BTRC: variants seen among roughly 807,000 people sequenced by gnomAD.
BTRC encodes F-box/WD repeat-containing protein 1A.
BTRC carries 42 observed loss-of-function variants against 85.5 expected under a neutral mutation model. The ratio of observed to expected loss-of-function variants is 0.49; its 90% CI spans 0.38 to 0.64. The LOEUF (loss-of-function observed/expected upper bound fraction) is 0.64. Ranked by LOEUF, BTRC falls within the 30% of genes least tolerant of loss-of-function variation. The pLI is 0.00. For synonymous variants in BTRC, 255 were observed against 263.3 expected (o/e 0.97, Z 0.30); for missense variants, 594 against 743.5 (o/e 0.80, Z 2.34).
intron 9 of BTRC, among the ~76,000 whole-genome samples, chr10:101,534,175 G>A (rs2062347068): frequency 6.6e-6 from 1 of 152,006 alleles, no homozygotes; most frequent in South Asian, 2.1e-4. Flanking sequence ...CAGAAATGGG[G>A]GCTTAGAATT....
At chr10:101,512,547 A>G (rs1278543905) in intron 4 of BTRC, among the ~76,000 whole-genome samples, 1 of 152,198 alleles carries the variant, frequency 6.6e-6, no homozygotes, top group East Asian at 1.9e-4. Context: ...TCCACTATGT[A>G]TTTCCCAACC....
chr10:101,378,520 A>ATT (rs368968037), intron 1 of BTRC, among the ~76,000 whole-genome samples: 55 of 97,046 alleles, frequency 5.7e-4, no homozygotes, highest in East Asian at 1.8e-3. Context: ...CCCAATTATA[A>ATT]TTTTTTTTTT....
chr10:101,354,322 G>C (rs1941966566), intron 1 of BTRC, 94 bp downstream of exon 1: 3 of 1,400,098 alleles, frequency 2.1e-6, no homozygotes, highest in Non-Finnish European at 2.9e-6. Flanking sequence ...ACCGGGCAGC[G>C]GGACCCTGGG....
At chr10:101,389,119 G>GTGTTTTT (rs1943166078) in intron 1 of BTRC, among the ~76,000 whole-genome samples, 10 of 41,550 alleles carry the variant, frequency 2.4e-4, no homozygotes, top group Non-Finnish European at 3.6e-4. Context: ...TTTTGTGTGT[G>GTGTTTTT]TTTTTTTTTT....
chr10:101,497,756 T>G (rs1946299668), intron 4 of BTRC, among the ~76,000 whole-genome samples: 1 of 151,968 alleles, frequency 6.6e-6, no homozygotes, highest in South Asian at 2.1e-4. Flanking sequence ...GCGTGATGAC[T>G]CATGCCTGTA....
At chr10:101,536,004 A>T (rs1186929744) in intron 11 of BTRC, among the ~76,000 whole-genome samples, 1 of 152,274 alleles carries the variant, frequency 6.6e-6, no homozygotes, top group South Asian at 2.1e-4. Context: ...TAAGGAAATT[A>T]TTCCTAGAAA....
At position 101,521,842 on chromosome 10, in the gene BTRC, G is replaced by A. The variant is rs1564822996; in HGVS notation, c.528G>A (p.Leu176=). ...TAAACTCGTATCTTAAACCTATGTT[G>A]CAGAGAGATTTCATAACTGCTCTGC... ...GHINSYLKPM[L]QRDFITALPA... Residue 176 remains leucine (L), a synonymous_variant, in exon 5 of 15, where the codon TTG becomes TTA. Transcript: ENST00000370187. The A allele has an allele frequency of 6.2e-7, 1 of 1,613,216 alleles. No homozygotes were observed. Among genetic ancestry groups the A allele is most frequent in the East Asian group, 2.2e-5 (1 of 44,860 alleles).
chr10:101,399,619 A>G (rs1385024202), intron 1 of BTRC, among the ~76,000 whole-genome samples: 1 of 152,216 alleles, frequency 6.6e-6, no homozygotes, highest in Non-Finnish European at 1.5e-5. Flanking sequence ...AGAAGTTTTT[A>G]AAGCTAACAG....
intron 1 of BTRC, among the ~76,000 whole-genome samples, chr10:101,363,734 C>G (rs1223329416): frequency 3.3e-5 from 5 of 152,092 alleles, no homozygotes. Flanking sequence ...AAGAAAGCTT[C>G]ATATTAGATC....
chr10:101,526,123 A>G lies in BTRC; in HGVS notation c.667A>G (p.Met223Val). 2 of 1,614,202 alleles carry G rather than the reference A, an allele frequency of 1.2e-6. No homozygotes were observed. Among genetic ancestry groups the G allele is most frequent in the East Asian group, 2.2e-5 (1 of 44,884 alleles). ...KEWYRVTSDG[M>V]LWKKLIERMV... ...ATGGTACCGAGTGACCTCTGATGGC[A>G]TGCTGTGGAAGAAGCTTATCGAGAG... The change falls in exon 6 of 15, where the codon ATG (methionine) becomes GTG (valine). Residue 223 changes from methionine (M) to valine (V), a missense_variant. Met to Val is a conservative substitution (Grantham distance 21). This residue lies in a region of BTRC where 373 missense variants were observed against 503.6 expected (regional missense o/e 0.74). Transcript: ENST00000370187.
At chr10:101,420,271 T>A (rs1303026117) in intron 1 of BTRC, among the ~76,000 whole-genome samples, 1 of 152,132 alleles carries the variant, frequency 6.6e-6, no homozygotes, top group Non-Finnish European at 1.5e-5. Context: ...CCACCTTTAT[T>A]TGATCAATCT....
Position 101,534,839 on chromosome 10 carries a change from C to T in BTRC, c.1276C>T (p.Arg426Ter), listed in dbSNP as rs755320792. 1 of 1,614,014 alleles carries T rather than the reference C, an allele frequency of 6.2e-7. No individual in the cohort carries two copies. Among genetic ancestry groups the T allele is most frequent in the Non-Finnish European group, 8.5e-7 (1 of 1,179,942 alleles). Residue 426 changes from arginine (R) to a stop codon, truncating the protein, a stop_gained, in exon 10 of 15, where the codon CGA (arginine) becomes TGA (stop). Coordinates refer to ENST00000370187, the MANE Select transcript of BTRC (RefSeq NM_033637.4). LOFTEE classifies it high-confidence loss of function. ...CCTCCGGAGGGTGCTGGTCGGACAC[C>T]GAGCTGCTGTCAATGTTGTAGACTT... is the stretch of plus-strand genomic sequence containing the variant. ...ITLRRVLVGH[R>*]AAVNVVDFDD... is the part of the protein sequence containing the mutation.
chr10:101,386,062 G>A (rs1943071223), intron 1 of BTRC, among the ~76,000 whole-genome samples: 1 of 151,962 alleles, frequency 6.6e-6, no homozygotes, highest in Non-Finnish European at 1.5e-5. Flanking sequence ...AATCCTCCCA[G>A]AACATCCTGT....
At chr10:101,430,023 G>A (rs1018422589) in intron 1 of BTRC, among the ~76,000 whole-genome samples, 5 of 152,142 alleles carry the variant, frequency 3.3e-5, no homozygotes, top group Admixed American at 2.0e-4. Flanking sequence ...GTGCATAGAG[G>A]AAAATAATTG....
At position 101,360,558 on chromosome 10, in the gene BTRC, A is replaced by G. The variant is rs996529012; in HGVS notation, c.48+6330A>G. ...CTGACTAATTTTTGTATTTTTGTAG[A>G]CGGGGTTTCACCATGTTGGCCAGGC... On this transcript the variant is annotated intron_variant, in intron 1 of 14. Coordinates refer to ENST00000370187, the MANE Select transcript of BTRC (RefSeq NM_033637.4). 9.9e-5 allele frequency among the ~76,000 whole-genome samples: 15 copies of G among 150,904 alleles called. No individual in the cohort carries two copies. In the South Asian group the frequency reaches 1.9e-3, roughly 19 times the overall value.
rs2062107035 is a variant in BTRC, at chr10:101,521,622, T to C, written c.325-17T>C. 6.4e-7 allele frequency: 1 copy of C among 1,574,542 alleles called. No individual in the cohort carries two copies. Among genetic ancestry groups the C allele is most frequent in the East Asian group, 2.2e-5 (1 of 44,684 alleles). ...CAATACTAATCATTTTATGTTTCTT[T>C]TAACCCCCTTCTACAGACAAAACTT... is the stretch of plus-strand genomic sequence containing the variant. On this transcript the variant is annotated splice_polypyrimidine_tract_variant and intron_variant, in intron 4 of 14. Coordinates refer to ENST00000370187, the MANE Select transcript of BTRC (RefSeq NM_033637.4).
At chr10:101,541,093 CTCTT>C (rs1472294910) in intron 13 of BTRC, among the ~76,000 whole-genome samples, 1 of 137,868 alleles carries the variant, frequency 7.3e-6, no homozygotes, top group Non-Finnish European at 1.7e-5. Flanking sequence ...TTCTCTCTCC[CTCTT>C]TTTTTTTTTT....
At chr10:101,449,178 T>C (rs967350618) in intron 2 of BTRC, among the ~76,000 whole-genome samples, 3 of 151,980 alleles carry the variant, frequency 2.0e-5, no homozygotes, top group Non-Finnish European at 4.4e-5. Context: ...TTATCAAGTT[T>C]AAAGGAATCT....
At chr10:101,390,765 AAAAG>A (rs370701476) in intron 1 of BTRC, among the ~76,000 whole-genome samples, 12,175 of 115,110 alleles carry the variant, frequency 0.11, 539 homozygotes, top group African/African-American at 0.14. Flanking sequence ...TTTGTCTTAA[AAAAG>A]AAAGAAAGAA....
Sources: allele counts gnomAD v4.1 joint callset (sites outside exome capture counted in the v4.1 genomes callset), GRCh38; gene constraint gnomAD v4.1.1; regional missense constraint gnomAD v4.1.1; transcripts MANE v1.5; gene names NCBI Gene and HGNC (gene_info 2026-07-23, HGNC 2026-07-21).